The following CELF4 variants were observed in gnomAD, a reference collection of about 807,000 sequenced individuals.
CELF4 encodes the protein CUG-BP- and ETR-3-like factor 4.
A neutral mutation model predicts 59.9 loss-of-function variants in CELF4; 18 were observed. That is an observed-to-expected ratio of 0.30 (90% CI 0.21 to 0.45). The LOEUF (loss-of-function observed/expected upper bound fraction) is 0.45. Ranked by LOEUF, CELF4 falls within the 20% of genes least tolerant of loss-of-function variation. The probability of loss-of-function intolerance (pLI) is 1.00; values close to 1 mark genes in which losing one functional copy is unlikely to be tolerated. For synonymous variants in CELF4, 261 were observed against 267.1 expected (o/e 0.98, Z 0.22); for missense variants, 456 against 689.0 (o/e 0.66, Z 3.79).
chr18:37,259,492 CT>C (rs1569114635), intron 10 of CELF4, among the ~76,000 whole-genome samples: 1 of 152,232 alleles, frequency 6.6e-6, no homozygotes, highest in African/African-American at 2.4e-5. Flanking sequence ...CACTGAACCT[CT>C]CTGTGCCTCA....
At chr18:37,403,058 G>A (rs1340285691) in intron 2 of CELF4, among the ~76,000 whole-genome samples, 1 of 152,100 alleles carries the variant, frequency 6.6e-6, no homozygotes, top group Admixed American at 6.5e-5. Flanking sequence ...AGGGCTGGGA[G>A]GAAGGGAAGG....
intron 2 of CELF4, among the ~76,000 whole-genome samples, chr18:37,347,386 C>T (rs1453056079): frequency 6.6e-6 from 1 of 152,104 alleles, no homozygotes; most frequent in African/African-American, 2.4e-5. Flanking sequence ...GAACCCTGGG[C>T]CAATTATTCA....
At position 37,561,233 on chromosome 18, in the gene CELF4, T is replaced by A. The variant is rs139341822; in HGVS notation, c.286+4123A>T. On this transcript the variant is annotated intron_variant, in intron 1 of 12. Coordinates refer to ENST00000420428, the MANE Select transcript of CELF4 (RefSeq NM_020180.4). ...ATTTTCCTCCATGTAGCTGAGAAAA[T>A]CTCAAAGCAGAGTGGTTACCCAGGC... Among the ~76,000 whole-genome samples, 836 of 152,102 alleles carry A rather than the reference T, an allele frequency of 5.5e-3. 7 individuals are homozygous for A. Among genetic ancestry groups the A allele is most frequent in the South Asian group, 0.018 (87 of 4,816 alleles).
chr18:37,468,617 C>T (rs1003742482), intron 2 of CELF4, among the ~76,000 whole-genome samples: 2 of 152,182 alleles, frequency 1.3e-5, no homozygotes, highest in Admixed American at 6.5e-5. Flanking sequence ...TCCATTCTCA[C>T]ACTGCTATAA....
chr18:37,395,628 A>AG (rs2099234955), intron 2 of CELF4, among the ~76,000 whole-genome samples: 1 of 152,216 alleles, frequency 6.6e-6, no homozygotes, highest in Non-Finnish European at 1.5e-5. Flanking sequence ...CATCTCACAG[A>AG]GAGAATCTGT....
At chr18:37,499,311 C>T (rs1451962631) in intron 1 of CELF4, among the ~76,000 whole-genome samples, 1 of 152,170 alleles carries the variant, frequency 6.6e-6, no homozygotes, top group African/African-American at 2.4e-5. Flanking sequence ...TCATGCATCC[C>T]CAAAGAGGCA....
At chr18:37,502,327 G>A (rs929530936) in intron 1 of CELF4, among the ~76,000 whole-genome samples, 3 of 151,958 alleles carry the variant, frequency 2.0e-5, no homozygotes, top group African/African-American at 7.3e-5. Flanking sequence ...ACTGGGAACC[G>A]ACAGCCGCAA....
At chr18:37,297,695 CAGGG>C (rs2095741300) in intron 3 of CELF4, among the ~76,000 whole-genome samples, 1 of 152,270 alleles carries the variant, frequency 6.6e-6, no homozygotes, top group Admixed American at 6.5e-5. Flanking sequence ...CCTTTCCAGG[CAGGG>C]TCCCCAAAGG....
intron 2 of CELF4, among the ~76,000 whole-genome samples, chr18:37,452,788 C>T (rs1333127296): frequency 6.6e-6 from 1 of 152,182 alleles, no homozygotes; most frequent in Non-Finnish European, 1.5e-5. Flanking sequence ...TCCCTTTTCT[C>T]AACCCCCAAA....
At chr18:37,283,931 CA>C (rs2154392444) in intron 3 of CELF4, among the ~76,000 whole-genome samples, 12 of 1,316 alleles carry the variant, frequency 9.1e-3, no homozygotes, top group Non-Finnish European at 0.016. Flanking sequence ...ACACACACAC[CA>C]ATACATGCAC....
intron 2 of CELF4, among the ~76,000 whole-genome samples, chr18:37,450,101 G>A (rs2099759004): frequency 2.6e-5 from 4 of 152,194 alleles, no homozygotes; most frequent in Non-Finnish European, 2.9e-5. Context: ...CGTGGGGAGG[G>A]GAAGGGAGCA....
chr18:37,335,357 G>A (rs2097729212), intron 2 of CELF4, among the ~76,000 whole-genome samples: 1 of 152,116 alleles, frequency 6.6e-6, no homozygotes, highest in Non-Finnish European at 1.5e-5. Flanking sequence ...GTCTGCACGT[G>A]AGTATGTGTG....
At chr18:37,409,373 G>A (rs1378779110) in intron 2 of CELF4, among the ~76,000 whole-genome samples, 1 of 152,120 alleles carries the variant, frequency 6.6e-6, no homozygotes, top group African/African-American at 2.4e-5. Context: ...GAATCTTGGG[G>A]GTATTGCAGT....
At position 37,253,574 on chromosome 18, in the gene CELF4, G is replaced by A. The variant is rs1001023966; in HGVS notation, c.*44+193C>T. ...CCTGGTGGCCCTGCCACAGGGAAATGGCCAGGCCCATTTCTGCCGGGGTGA... is the reference window on the plus strand; with the variant it reads ...CCTGGTGGCCCTGCCACAGGGAAATAGCCAGGCCCATTTCTGCCGGGGTGA... On this transcript the variant is annotated intron_variant, in intron 12 of 12. Transcript: ENST00000420428. This position sits in a 1 kb window ranked among gnomAD's most constrained non-coding sequence, Gnocchi z 4.5. Among the ~76,000 whole-genome samples, 60 of 152,308 alleles carry A rather than the reference G, an allele frequency of 3.9e-4. No homozygotes were observed. The highest frequency in any genetic ancestry group is 6.8e-3 in the Middle Eastern group (2 of 294).
intron 2 of CELF4, among the ~76,000 whole-genome samples, chr18:37,415,405 G>T (rs531350745): frequency 3.3e-5 from 5 of 152,188 alleles, no homozygotes; most frequent in Non-Finnish European, 5.9e-5. Context: ...AAAGCAGGGA[G>T]GCACCCCTTG....
chr18:37,456,363 C>T (rs1163138925), intron 2 of CELF4, among the ~76,000 whole-genome samples: 1 of 152,164 alleles, frequency 6.6e-6, no homozygotes, highest in Non-Finnish European at 1.5e-5. Context: ...GACAAGCCTG[C>T]TTCTGCAGGC....
chr18:37,479,972 T>C (rs2099861772), intron 2 of CELF4, among the ~76,000 whole-genome samples: 2 of 152,194 alleles, frequency 1.3e-5, no homozygotes, highest in South Asian at 4.1e-4. Context: ...AACTGAGGAA[T>C]GTCTGAGGCT....
intron 3 of CELF4, among the ~76,000 whole-genome samples, chr18:37,306,910 C>A (rs972466882): frequency 6.6e-6 from 1 of 152,224 alleles, no homozygotes; most frequent in African/African-American, 2.4e-5. Flanking sequence ...GCAAATTCTG[C>A]ACTTGACAGG....
At chr18:37,429,306 G>C (rs1434837759) in intron 2 of CELF4, among the ~76,000 whole-genome samples, 2 of 152,148 alleles carry the variant, frequency 1.3e-5, no homozygotes, top group Non-Finnish European at 2.9e-5. Context: ...GCATGTGTAA[G>C]TCTGTGTGTG....
Sources: allele counts gnomAD v4.1 joint callset (sites outside exome capture counted in the v4.1 genomes callset), GRCh38; gene constraint gnomAD v4.1.1; non-coding constraint Gnocchi (gnomAD v3.1); transcripts MANE v1.5; gene names NCBI Gene and HGNC (gene_info 2026-07-23, HGNC 2026-07-21).